NTM: variants seen among roughly 807,000 people sequenced by gnomAD.
The protein encoded by NTM is neurotrimin.
NTM carries 13 observed loss-of-function variants against 42.1 expected under a neutral mutation model. The ratio of observed to expected loss-of-function variants is 0.31; its 90% CI spans 0.20 to 0.49. NTM has a LOEUF of 0.49. Ranked by LOEUF, NTM falls within the 20% of genes least tolerant of loss-of-function variation. The probability of loss-of-function intolerance (pLI) is 0.99; values close to 1 mark genes in which losing one functional copy is unlikely to be tolerated. For missense variants in NTM, 373 were observed against 452.8 expected (o/e 0.82, Z 1.60); for synonymous variants, 187 against 179.2 (o/e 1.04, Z -0.35).
At chr11:132,168,014 C>A (rs1394697402) in intron 3 of NTM, among the ~76,000 whole-genome samples, 2 of 152,146 alleles carry the variant, frequency 1.3e-5, no homozygotes, top group Non-Finnish European at 2.9e-5. Context: ...CGTTTTCCTG[C>A]AGCTCAAAAA....
chr11:131,382,746 C>A (rs773271028), intron 1 of NTM, among the ~76,000 whole-genome samples: 5 of 152,172 alleles, frequency 3.3e-5, no homozygotes, highest in Non-Finnish European at 7.3e-5. Flanking sequence ...TCATCCTGAT[C>A]ATTATCTTTG....
intron 1 of NTM, among the ~76,000 whole-genome samples, chr11:131,598,390 C>T (rs1245634539): frequency 6.6e-6 from 1 of 152,184 alleles, no homozygotes; most frequent in Non-Finnish European, 1.5e-5. Context: ...AACAACAAAT[C>T]CCTTGTACTA....
chr11:131,709,522 G>C (rs1294777420), intron 1 of NTM, among the ~76,000 whole-genome samples: 1 of 152,198 alleles, frequency 6.6e-6, no homozygotes, highest in Non-Finnish European at 1.5e-5. Context: ...TAAGGTAGGA[G>C]TCAAGATTAA....
At chr11:132,113,486 C>T (rs767091347) in intron 2 of NTM, among the ~76,000 whole-genome samples, 3 of 152,140 alleles carry the variant, frequency 2.0e-5, no homozygotes, top group African/African-American at 2.4e-5. Context: ...TCAAAACAAG[C>T]GTTTGCTTGC....
rs549134829 is a variant in NTM at position 131,773,315 on chromosome 11, C to T, written c.83-138249C>T. ...GGAGCCCTCGTGAACTAATCACATC[C>T]CCAAAGCCCCACTGCTTAATACCAT... On this transcript the variant is annotated intron_variant, in intron 1 of 8. Transcript: ENST00000683400. Among the ~76,000 whole-genome samples, 4 of 152,316 alleles carry T rather than the reference C, an allele frequency of 2.6e-5. No individual in the cohort carries two copies. The East Asian group carries it at 7.7e-4, about 29-fold the overall frequency.
intron 3 of NTM, among the ~76,000 whole-genome samples, chr11:132,208,573 A>G (rs574311692): frequency 1.2e-4 from 19 of 152,166 alleles, no homozygotes; most frequent in Non-Finnish European, 2.8e-4. Context: ...CATTTAATAT[A>G]CTTACTGCAC....
At chr11:131,422,181 TTGCAGGG>T (rs1291137479) in intron 1 of NTM, among the ~76,000 whole-genome samples, 5 of 149,668 alleles carry the variant, frequency 3.3e-5, no homozygotes, top group African/African-American at 1.2e-4. Flanking sequence ...TGATAGGCTG[TTGCAGGG>T]ATAGCTGGGA....
At chr11:131,823,433 G>A (rs972337606) in intron 1 of NTM, among the ~76,000 whole-genome samples, 1 of 152,088 alleles carries the variant, frequency 6.6e-6, no homozygotes, top group South Asian at 2.1e-4. Flanking sequence ...AGCTCACCTG[G>A]CCCACCAGAG....
At chr11:131,623,438 G>C (rs2062776737) in intron 1 of NTM, among the ~76,000 whole-genome samples, 1 of 152,226 alleles carries the variant, frequency 6.6e-6, no homozygotes, top group Non-Finnish European at 1.5e-5. Context: ...TCAAGTCCGA[G>C]ACAGATGCCA....
chr11:131,501,825 C>T (rs1259838002), intron 1 of NTM, among the ~76,000 whole-genome samples: 2 of 151,908 alleles, frequency 1.3e-5, no homozygotes, highest in East Asian at 3.9e-4. Flanking sequence ...ATGGTGACAC[C>T]ATTTATTAAG....
chr11:131,510,290 C>A (rs944743727), intron 1 of NTM, among the ~76,000 whole-genome samples: 1 of 152,202 alleles, frequency 6.6e-6, no homozygotes, highest in African/African-American at 2.4e-5. Flanking sequence ...CACCCTGGCT[C>A]CCTGGCCCTG....
chr11:131,441,401 G>C (rs1265028241), intron 1 of NTM, among the ~76,000 whole-genome samples: 1 of 152,144 alleles, frequency 6.6e-6, no homozygotes, highest in Non-Finnish European at 1.5e-5. Flanking sequence ...ACAACAAGCT[G>C]TTTATCCTTT....
chr11:132,271,948 T>A (rs904400885), intron 4 of NTM, among the ~76,000 whole-genome samples: 1 of 152,126 alleles, frequency 6.6e-6, no homozygotes, highest in African/African-American at 2.4e-5. Context: ...AAGAAACAAA[T>A]CATTTCCATA....
Position 131,524,390 on chromosome 11 carries a change from ACT to A in NTM, c.82+153505_82+153506del, listed in dbSNP as rs552644391. 4.6e-3 allele frequency among the ~76,000 whole-genome samples: 702 copies of A among 152,096 alleles called. 6 individuals carry two copies. The highest frequency in any genetic ancestry group is 0.016 in the African/African-American group (644 of 41,492). On this transcript the variant is annotated intron_variant, in intron 1 of 8. Coordinates refer to ENST00000683400, the MANE Select transcript of NTM (RefSeq NM_001352005.2). ...GCTGACATGTGATCCCTTCTGCTGC[ACT>A]CTGTTAGTATAGCAAGGCACCAAGC...
At chr11:131,828,040 G>C (rs1427546764) in intron 1 of NTM, among the ~76,000 whole-genome samples, 1 of 151,570 alleles carries the variant, frequency 6.6e-6, no homozygotes, top group Non-Finnish European at 1.5e-5. Flanking sequence ...AACTGCCTGG[G>C]TTCAAATATC....
At position 132,335,229 on chromosome 11, in the gene NTM, C is replaced by T. The variant is rs1490009426; in HGVS notation, c.*83C>T. ...CAGCAATGGCAACACCGACAGCAAC[C>T]AATCAGATATATACAAATGAAATTA... On this transcript the variant is annotated 3_prime_UTR_variant, in exon 9 of 9. Coordinates refer to ENST00000683400, the MANE Select transcript of NTM (RefSeq NM_001352005.2). 6.2e-6 allele frequency: 9 copies of T among 1,443,960 alleles called. No individual in the cohort carries two copies. The highest frequency in any genetic ancestry group is 1.7e-4 in the Middle Eastern group (1 of 5,738). 89.4% of individuals were successfully genotyped at this position (1,443,960 alleles called of 1,614,324 possible).
At chr11:131,582,521 C>G (rs1231966260) in intron 1 of NTM, 1 of 151,338 alleles carries the variant, frequency 6.6e-6, no homozygotes, top group East Asian at 1.9e-4. Flanking sequence ...CCAAGACTTA[C>G]CACTTATTAG....
intron 4 of NTM, among the ~76,000 whole-genome samples, chr11:132,227,253 C>T (rs1354072039): frequency 6.6e-6 from 1 of 152,142 alleles, no homozygotes; most frequent in Admixed American, 6.5e-5. Flanking sequence ...GGTGTGATTA[C>T]AGCACAAGTG....
At chr11:132,317,522 T>C in intron 7 of NTM, 1 of 394,124 alleles carries the variant, frequency 2.5e-6, no homozygotes, top group South Asian at 2.7e-5. Context: ...CTGTCTTCCT[T>C]TTTTTTATAT....
Sources: gnomAD v4.1 joint callset for allele counts (sites outside exome capture counted in the v4.1 genomes callset) on GRCh38, gnomAD v4.1.1 for gene constraint, MANE v1.5 for transcripts, NCBI Gene and HGNC (gene_info 2026-07-23, HGNC 2026-07-21) for gene names.